Variants in RGS12 observed in about 807,000 individuals in gnomAD.
RGS12 encodes the protein regulator of G protein signaling 12, also known as regulator of G-protein signaling 12.
A neutral mutation model predicts 120.1 loss-of-function variants in RGS12; 66 were observed. The ratio of observed to expected loss-of-function variants is 0.55; its 90% CI spans 0.45 to 0.67. RGS12 has a LOEUF of 0.67. RGS12 is among the 30% of genes least tolerant of loss of function. The probability of loss-of-function intolerance (pLI) is 0.00; values close to 1 mark genes in which losing one functional copy is unlikely to be tolerated. For synonymous variants in RGS12, 827 were observed against 804.7 expected (o/e 1.03, Z -0.47); for missense variants, 1,859 against 1,957.7 (o/e 0.95, Z 0.95).
chr4:3,325,053 A>T (rs1357303288), intron 2 of RGS12, among the ~76,000 whole-genome samples: 1 of 152,168 alleles, frequency 6.6e-6, no homozygotes, highest in Admixed American at 6.5e-5. Flanking sequence ...TAAACTAGTT[A>T]TAAAAAAATC....
intron 2 of RGS12, among the ~76,000 whole-genome samples, chr4:3,329,429 C>T (rs770532074): frequency 2.6e-5 from 4 of 152,070 alleles, no homozygotes; most frequent in Non-Finnish European, 5.9e-5. Context: ...GTGTGTTGCA[C>T]AGGACAGTAA....
intron 9 of RGS12, chr4:3,420,439 T>C (rs1326963520): frequency 1.6e-6 from 1 of 631,306 alleles, no homozygotes; most frequent in Non-Finnish European, 2.8e-6. Context: ...TAGAGCCTTG[T>C]TGGTCCCTGA....
At chr4:3,415,953 G>T (rs757079744) in intron 6 of RGS12, 25 bp from the exon 7 acceptor site, 4 of 1,590,370 alleles carry the variant, frequency 2.5e-6, no homozygotes, top group African/African-American at 2.7e-5. Flanking sequence ...GCCTTGCCGG[G>T]CTGCTCAGGT....
chr4:3,300,994 A>G (rs938181542), intron 1 of RGS12, among the ~76,000 whole-genome samples: 2 of 152,224 alleles, frequency 1.3e-5, no homozygotes, highest in African/African-American at 4.8e-5. Context: ...GGAGGTCACA[A>G]GGGCACAGCG....
chr4:3,365,527 C>T lies in RGS12; in HGVS notation c.1999-20889C>T, dbSNP rs948005945. Among the ~76,000 whole-genome samples, 1 of 152,126 alleles carries T rather than the reference C, an allele frequency of 6.6e-6. No homozygotes were observed. On this transcript the variant is annotated intron_variant, in intron 3 of 17. Transcript: ENST00000336727. This position sits in a 1 kb window ranked among gnomAD's most constrained non-coding sequence, Gnocchi z 4.0. ...AGCTGTAAATCCCAGCAAAAACCGA[C>T]GGAGCCCTGAGTCCGACCTAAGCCT... is the stretch of plus-strand genomic sequence containing the variant.
intron 1 of RGS12, among the ~76,000 whole-genome samples, chr4:3,307,634 C>T (rs577317656): frequency 3.3e-5 from 5 of 152,342 alleles, no homozygotes; most frequent in East Asian, 3.9e-4. Flanking sequence ...AGGCGTGGAT[C>T]GCGCACCTGC....
At chr4:3,415,794 G>A (rs183755519) in intron 6 of RGS12, among the ~76,000 whole-genome samples, 184 bp from the exon 7 acceptor site, 10 of 152,330 alleles carry the variant, frequency 6.6e-5, no homozygotes, top group East Asian at 1.9e-4. Flanking sequence ...TTAAACAATC[G>A]TAGAGGAGCC....
At chr4:3,409,728 A>G (rs115158368) in intron 4 of RGS12, among the ~76,000 whole-genome samples, 190 of 152,292 alleles carry the variant, frequency 1.2e-3, no homozygotes, top group African/African-American at 4.3e-3. Context: ...GAATTGAAAC[A>G]CCTTTTGTTT....
chr4:3,330,398 G>A (rs763127953), intron 2 of RGS12, among the ~76,000 whole-genome samples: 3 of 152,142 alleles, frequency 2.0e-5, no homozygotes, highest in Non-Finnish European at 4.4e-5. Context: ...TCTTGTCTGG[G>A]GTAACCCCAG....
At chr4:3,423,113 G>A in intron 12 of RGS12, 135 bp downstream of exon 12, 1 of 619,324 alleles carries the variant, frequency 1.6e-6, no homozygotes, top group Non-Finnish European at 2.8e-6. Context: ...TCGGGGCGGG[G>A]GGAGGGTGGA....
intron 1 of RGS12, among the ~76,000 whole-genome samples, chr4:3,308,061 G>T (rs999624756): frequency 1.3e-5 from 2 of 152,240 alleles, no homozygotes; most frequent in African/African-American, 4.8e-5. Context: ...TTGGTGAGCT[G>T]CCCCAGGACC....
chr4:3,356,362 T>C (rs1714900410), intron 3 of RGS12, among the ~76,000 whole-genome samples: 1 of 152,090 alleles, frequency 6.6e-6, no homozygotes, highest in Non-Finnish European at 1.5e-5. Flanking sequence ...GCCTTTCAAT[T>C]TATTTTAATT....
At chr4:3,326,503 A>G (rs867144432) in intron 2 of RGS12, among the ~76,000 whole-genome samples, 4 of 152,302 alleles carry the variant, frequency 2.6e-5, no homozygotes, top group African/African-American at 9.6e-5. Flanking sequence ...TGCCTCGGCT[A>G]TCCAAAGTGC....
At chr4:3,315,318 G>A (rs1408790429) in intron 1 of RGS12, among the ~76,000 whole-genome samples, 1 of 152,204 alleles carries the variant, frequency 6.6e-6, no homozygotes, top group Non-Finnish European at 1.5e-5. Context: ...GTGATCCGCG[G>A]ACCACTGACA....
At chr4:3,345,178 C>A (rs1320697956) in intron 3 of RGS12, among the ~76,000 whole-genome samples, 1 of 152,160 alleles carries the variant, frequency 6.6e-6, no homozygotes, top group Non-Finnish European at 1.5e-5. Context: ...CAAGGTTGGA[C>A]AGGCAGTTGC....
chr4:3,327,291 A>C (rs905103949), intron 2 of RGS12, among the ~76,000 whole-genome samples: 2 of 152,200 alleles, frequency 1.3e-5, no homozygotes, highest in African/African-American at 2.4e-5. Context: ...CACAAAATCA[A>C]CTCAAGCTGG....
At chr4:3,342,028 G>A (rs1290920746) in intron 2 of RGS12, among the ~76,000 whole-genome samples, 3 of 151,726 alleles carry the variant, frequency 2.0e-5, no homozygotes, top group African/African-American at 4.9e-5. Flanking sequence ...GGAGAGGCGG[G>A]AGGGTGGCCT....
intron 3 of RGS12, among the ~76,000 whole-genome samples, chr4:3,368,592 C>CTG (rs771874634): frequency 2.4e-5 from 2 of 84,366 alleles, no homozygotes; most frequent in Admixed American, 1.6e-4. Context: ...GTGTGTGTGC[C>CTG]TGTGTGTGTG....
chr4:3,415,872 C>A, intron 6 of RGS12, 106 bp from the exon 7 acceptor site: 1 of 1,174,650 alleles, frequency 8.5e-7, no homozygotes, highest in Non-Finnish European at 1.2e-6. Context: ...TTTACTGGGG[C>A]CCGTGAGAAC....
Sources: gnomAD v4.1 joint callset for allele counts (sites outside exome capture counted in the v4.1 genomes callset) on GRCh38, gnomAD v4.1.1 for gene constraint, Gnocchi (gnomAD v3.1) non-coding constraint, MANE v1.5 for transcripts, NCBI Gene and HGNC (gene_info 2026-07-23, HGNC 2026-07-21) for gene names.